Variants in CEP120 observed in about 807,000 individuals in gnomAD.
The protein encoded by CEP120 is centrosomal protein of 120 kDa.
Under a neutral mutation model 126.5 loss-of-function variants are expected in CEP120, and 113 were observed. The observed-to-expected ratio is 0.89, with a 90% confidence interval of 0.77 to 1.04. The LOEUF (loss-of-function observed/expected upper bound fraction) is 1.04, where lower values mean the gene tolerates loss of function less well. CEP120 is among the 50% of genes least tolerant of loss of function. The pLI is 0.00. For missense variants in CEP120, 1,230 were observed against 1,155.7 expected (o/e 1.06, Z -0.93); for synonymous variants, 400 against 394.3 (o/e 1.01, Z -0.17).
At chr5:123,406,015 G>A (rs1001197945) in intron 4 of CEP120, among the ~76,000 whole-genome samples, 5 of 152,012 alleles carry the variant, frequency 3.3e-5, no homozygotes, top group Admixed American at 3.3e-4. Flanking sequence ...GTGTAAGAAA[G>A]AATAAAAAAG....
rs918542657 is a variant in CEP120 at position 123,385,001 on chromosome 5, C to T, written c.1713G>A (p.Gln571=). The T allele has an allele frequency of 1.2e-6, 2 of 1,613,436 alleles. No homozygotes were observed. The highest frequency in any genetic ancestry group is 1.3e-5 in the African/African-American group (1 of 74,872). Residue 571 remains glutamine (Q), a synonymous_variant, in exon 11 of 20, where the codon CAG becomes CAA. Transcript: ENST00000306467. ...KTRFLGSNGE[Q]CWRQTYSESV... is the part of the protein sequence containing the mutation. ...TTTCACTGTAAGTTTGACGCCAACA[C>T]TGTTCACCATTAGAACCTAAAAAAC... is the stretch of plus-strand genomic sequence containing the variant.
At chr5:123,358,206 C>T (rs996907006) in intron 18 of CEP120, 5 of 151,872 alleles carry the variant, frequency 3.3e-5, no homozygotes, top group Non-Finnish European at 5.9e-5. Flanking sequence ...AAAATTATGA[C>T]AAAAAGCAAA....
intron 19 of CEP120, 46 bp downstream of exon 19, chr5:123,349,898 T>G (rs1179839612): frequency 6.3e-7 from 1 of 1,576,126 alleles, no homozygotes; most frequent in Non-Finnish European, 8.7e-7. Context: ...GTACCTTCCC[T>G]GAACCAAACT....
chr5:123,360,099 T>C (rs1296123426), intron 18 of CEP120, among the ~76,000 whole-genome samples: 1 of 151,708 alleles, frequency 6.6e-6, no homozygotes, highest in East Asian at 1.9e-4. Context: ...AAAATTAACA[T>C]GGTACTAATC....
At chr5:123,381,484 G>C (rs1771646437) in intron 14 of CEP120, among the ~76,000 whole-genome samples, 1 of 152,100 alleles carries the variant, frequency 6.6e-6, no homozygotes. Flanking sequence ...TAGAATATTT[G>C]AAGAAAGTCT....
At chr5:123,370,121 T>G (rs1770746184) in intron 17 of CEP120, among the ~76,000 whole-genome samples, 1 of 152,042 alleles carries the variant, frequency 6.6e-6, no homozygotes, top group Non-Finnish European at 1.5e-5. Context: ...GTCTTAAGAA[T>G]AGGTAATATG....
At position 123,346,668 on chromosome 5, in the gene CEP120, C is replaced by A. The variant is rs757533375; in HGVS notation, c.2812G>T (p.Glu938Ter). Residue 938 changes from glutamate to a stop codon, truncating the protein, a stop_gained, in exon 20 of 20, where the codon GAA (glutamate) becomes TAA (stop). Transcript: ENST00000306467. LOFTEE classifies it high-confidence loss of function. ...KKDGPHGSVL[E>*]EGLDDYLTRL... ...GTCAAATAATCATCCAAACCTTCTT[C>A]CAATACACTGCCATGGGGGCCATCC... 6.2e-7 allele frequency: 1 copy of A among 1,613,922 alleles called. No homozygotes were observed. Among genetic ancestry groups the A allele is most frequent in the Non-Finnish European group, 8.5e-7 (1 of 1,179,940 alleles).
chr5:123,372,502 A>G, intron 17 of CEP120, 148 bp downstream of exon 17: 1 of 772,218 alleles, frequency 1.3e-6, no homozygotes, highest in Non-Finnish European at 2.1e-6. Context: ...AAGTACTAAT[A>G]ATGTCACGTG....
chr5:123,412,459 C>A lies in CEP120; in HGVS notation c.403G>T (p.Asp135Tyr). 1 of 1,610,782 alleles carries A rather than the reference C, an allele frequency of 6.2e-7. No individual in the cohort carries two copies. The highest frequency in any genetic ancestry group is 8.5e-7 in the Non-Finnish European group (1 of 1,178,460). The part of the protein sequence containing the change: ...EIQISIALET[D>Y]TKPPVDSFKA... ...AAGCTATCCACTGGTGGCTTTGTAT[C>A]GGTTTCCAAAGCAATACTTATCTGT... The change falls in exon 4 of 20, where the codon GAT (aspartate) becomes TAT (tyrosine). Residue 135 changes from aspartate (D) to tyrosine (Y), a missense_variant. By Grantham distance (160) the Asp-to-Tyr change is radical. Coordinates refer to ENST00000306467, the MANE Select transcript of CEP120 (RefSeq NM_001375405.1).
chr5:123,393,279 ACGATTTG>A lies in CEP120; in HGVS notation c.810+14_810+20del. On this transcript the variant is annotated intron_variant, in intron 6 of 19. Coordinates refer to ENST00000306467, the MANE Select transcript of CEP120 (RefSeq NM_001375405.1). ...CTTAAAAGACCACCTCCAGCTAAAA[ACGATTTG>A]CTGCAATACTCACCTGCAGTTTAGA... 5 of 1,612,100 alleles carry A rather than the reference ACGATTTG, an allele frequency of 3.1e-6. No homozygotes were observed. The highest frequency in any genetic ancestry group is 4.2e-6 in the Non-Finnish European group (5 of 1,178,580).
intron 7 of CEP120, 78 bp downstream of exon 7, chr5:123,391,032 C>A: frequency 1.0e-6 from 1 of 996,042 alleles, no homozygotes; most frequent in East Asian, 2.4e-5. Flanking sequence ...GAAGGTAACT[C>A]TTCTGAAATT....
At chr5:123,395,382 ATC>A (rs1234701535) in intron 5 of CEP120, among the ~76,000 whole-genome samples, 2 of 152,208 alleles carry the variant, frequency 1.3e-5, no homozygotes, top group Non-Finnish European at 2.9e-5. Context: ...AGGTTTGTAA[ATC>A]TGTTTATTGC....
intron 4 of CEP120, among the ~76,000 whole-genome samples, chr5:123,399,609 G>A (rs920037346): frequency 6.6e-6 from 1 of 152,098 alleles, no homozygotes; most frequent in Admixed American, 6.5e-5. Flanking sequence ...AGAAGAAAAG[G>A]GCAGCTGAAC....
chr5:123,365,666 G>T (rs1435735524), intron 17 of CEP120, among the ~76,000 whole-genome samples: 1 of 151,580 alleles, frequency 6.6e-6, no homozygotes, highest in South Asian at 2.1e-4. Context: ...AGCATCTTAA[G>T]TTGAATAATA....
At chr5:123,368,398 T>C (rs1405240459) in intron 17 of CEP120, among the ~76,000 whole-genome samples, 1 of 151,958 alleles carries the variant, frequency 6.6e-6, no homozygotes, top group Non-Finnish European at 1.5e-5. Context: ...AGAATTCATA[T>C]TTATAAACGC....
At chr5:123,385,819 G>T (rs1025685781) in intron 10 of CEP120, among the ~76,000 whole-genome samples, 1 of 152,046 alleles carries the variant, frequency 6.6e-6, no homozygotes, top group Non-Finnish European at 1.5e-5. Context: ...GCTCAGGCTA[G>T]TCTAAAACTC....
intron 6 of CEP120, among the ~76,000 whole-genome samples, chr5:123,391,677 AAAAC>A (rs1218816776): frequency 1.3e-5 from 2 of 152,200 alleles, no homozygotes; most frequent in Non-Finnish European, 2.9e-5. Context: ...TTAAACAAAA[AAAAC>A]AAAGAAATAC....
At chr5:123,369,194 C>T (rs1406677801) in intron 17 of CEP120, among the ~76,000 whole-genome samples, 2 of 151,902 alleles carry the variant, frequency 1.3e-5, no homozygotes, top group African/African-American at 4.8e-5. Flanking sequence ...TAAAACCTTT[C>T]AATGGTATCT....
In CEP120 at chr5:123,393,163, T is replaced by C. The variant is rs1008345830; in HGVS notation, c.810+137A>G. ...GACTCAGGATAGTACCTAAAAAAAT[T>C]AGAAGATGTGGCAGAAAGATAACCT... On this transcript the variant is annotated intron_variant, in intron 6 of 19. Transcript: ENST00000306467. The C allele has an allele frequency of 2.1e-5, 16 of 757,754 alleles. No individual in the cohort carries two copies. The African/African-American group carries it at 2.6e-4, about 12-fold the overall frequency. The allele number at this position is 757,754 out of a possible 1,614,324, so 46.9% of individuals were successfully genotyped here. A position where few individuals can be genotyped will look rare whatever the true frequency, so the allele number is the denominator to read the frequency against.
Sources: allele counts gnomAD v4.1 joint callset (sites outside exome capture counted in the v4.1 genomes callset), GRCh38; gene constraint gnomAD v4.1.1; transcripts MANE v1.5; gene names NCBI Gene and HGNC (gene_info 2026-07-23, HGNC 2026-07-21).